Variants in CYP2A7 observed in about 807,000 individuals in gnomAD.
CYP2A7 encodes the protein cytochrome P450 2A7.
A neutral mutation model predicts 42.0 loss-of-function variants in CYP2A7; 36 were observed. The ratio of observed to expected loss-of-function variants is 0.86; its 90% CI spans 0.66 to 1.13. The LOEUF is 1.13. CYP2A7 is among the 50% of genes most tolerant of loss of function. The probability of loss-of-function intolerance (pLI) is 0.00; values close to 1 mark genes in which losing one functional copy is unlikely to be tolerated. For missense variants in CYP2A7, 661 were observed against 634.1 expected, an observed-to-expected ratio of 1.04 and a Z score of -0.46; for synonymous variants, 260 against 249.5, an observed-to-expected ratio of 1.04 and a Z score of -0.40.
intron 4 of CYP2A7, among the ~76,000 whole-genome samples, chr19:40,879,588 GT>G (rs1967608741): frequency 2.0e-5 from 3 of 151,640 alleles, no homozygotes; most frequent in Non-Finnish European, 2.9e-5. Flanking sequence ...TAGGGCAGCT[GT>G]CCATGTTTTC....
Position 40,882,055 on chromosome 19 carries a change from C to T in CYP2A7, c.156G>A (p.Glu52=), listed in dbSNP as rs777042749. 9.3e-6 allele frequency: 15 copies of T among 1,613,764 alleles called. No homozygotes were observed. Among genetic ancestry groups the T allele is most frequent in the Admixed American group, 1.7e-5 (1 of 59,972 alleles). The change falls in exon 1 of 9, where the codon GAG becomes GAA. Residue 52 remains glutamate, a synonymous_variant. Transcript: ENST00000301146. ...CCTTCATGATGGAGTCACATATGTG[C>T]TCTGTGTTCAGCTGGAGGTAGTTTC... ...FIGNYLQLNT[E]HICDSIMKFS...
rs370699685 is a variant in CYP2A7, at chr19:40,875,690, C to G, written c.*3G>C. ...ACCAGACCTGCACCGGCACAGCCCT[C>G]GCTCAGCGGGGCAGGAAGCTCATGG... On this transcript the variant is annotated 3_prime_UTR_variant, in exon 9 of 9. Transcript: ENST00000301146. The G allele has an allele frequency of 5.0e-6, 8 of 1,610,752 alleles. No individual in the cohort carries two copies. In the South Asian group the frequency reaches 5.5e-5, roughly 11 times the overall value.
At chr19:40,876,165 A>C (rs771065284) in intron 8 of CYP2A7, among the ~76,000 whole-genome samples, 2 of 151,878 alleles carry the variant, frequency 1.3e-5, no homozygotes, top group East Asian at 3.9e-4. Context: ...AATGTCACAC[A>C]TCCATCATAG....
intron 4 of CYP2A7, among the ~76,000 whole-genome samples, chr19:40,879,819 G>A (rs550791916): frequency 1.5e-4 from 22 of 150,734 alleles, no homozygotes; most frequent in Admixed American, 1.0e-3. Context: ...GTAAGTTGGG[G>A]ATGGGAACAC....
chr19:40,881,818 AT>A, intron 1 of CYP2A7, 67 bp from the exon 2 acceptor site: 2 of 1,591,788 alleles, frequency 1.3e-6, no homozygotes, highest in Non-Finnish European at 1.7e-6. Flanking sequence ...CAGCACCGAG[AT>A]GTCAAGTACT....
In CYP2A7 at chr19:40,876,831, C is replaced by T. The variant is rs775482662; in HGVS notation, c.1162-163G>A. 2.0e-6 allele frequency: 2 copies of T among 996,624 alleles called. 1 individual carries two copies. Among genetic ancestry groups the T allele is most frequent in the Non-Finnish European group, 2.9e-6 (2 of 684,772 alleles). 61.7% of individuals were successfully genotyped at this position (996,624 alleles called of 1,614,324 possible). A position where few individuals can be genotyped will look rare whatever the true frequency, so the allele number is the denominator to read the frequency against. On this transcript the variant is annotated intron_variant, in intron 7 of 8. Transcript: ENST00000301146. ...GGAGCTTTGGGGAATAGAAGGTTCA[C>T]ATCTCTGAAACAGGAAGTTTGGGAG...
rs1180212578 is a variant in CYP2A7, at chr19:40,877,977, T to C, written c.848A>G (p.Asn283Ser). ...IHMQEEEKNP[N>S]TEFYLKNLMM... ...CAGGTTCTTCAAGTAGAACTCCGTG[T>C]TGGGGTTCTTCTCCTCCTGCAGGGA... is the stretch of plus-strand genomic sequence containing the variant. Residue 283 changes from asparagine to serine, a missense_variant, in exon 6 of 9, where the codon AAC becomes AGC. This residue lies in a region of CYP2A7 where 614 missense variants were observed against 552.4 expected (regional missense o/e 1.11). Transcript: ENST00000301146. The C allele has an allele frequency of 1.2e-6, 2 of 1,611,618 alleles. No homozygotes were observed. The highest frequency in any genetic ancestry group is 1.7e-6 in the Non-Finnish European group (2 of 1,178,692).
rs754905098 is a variant in CYP2A7 at position 40,876,597 on chromosome 19, G to A, written c.1233C>T (p.Phe411=). 1 of 1,613,140 alleles carries A rather than the reference G, an allele frequency of 6.2e-7. No homozygotes were observed. The highest frequency in any genetic ancestry group is 8.5e-7 in the Non-Finnish European group (1 of 1,179,320). ...TGTCATCCAGGAAATGCTGGGGATT[G>A]AAGTCCTGAGGGTTGGAGAAGAAGC... The part of the protein sequence containing the change: ...DPSFFSNPQD[F]NPQHFLDDKG... Residue 411 remains phenylalanine, a synonymous_variant, in exon 8 of 9, where the codon TTC becomes TTT. Transcript: ENST00000301146.
intron 7 of CYP2A7, 198 bp from the exon 8 acceptor site, chr19:40,876,866 C>G: frequency 1.3e-6 from 1 of 776,726 alleles, no homozygotes; most frequent in Non-Finnish European, 2.0e-6. Context: ...GACATGGGGT[C>G]CATGTCTTGC....
rs755586786 is a variant in CYP2A7 at position 40,878,826 on chromosome 19, G to T, written c.765C>A (p.Asn255Lys). 2 of 1,612,384 alleles carry T rather than the reference G, an allele frequency of 1.2e-6. No homozygotes were observed. Among genetic ancestry groups the T allele is most frequent in the Admixed American group, 1.7e-5 (1 of 59,886 alleles). ...GGGAATTGGGATCCAGCGTGCGCTG[G>T]TTGTGCTCCACCTTCTTGGCTATGA... ...EDFIAKKVEH[N>K]QRTLDPNSPQ... The change falls in exon 5 of 9, where the codon AAC becomes AAA. Residue 255 changes from asparagine to lysine, a missense_variant. Physicochemically the swap from Asn to Lys is moderately conservative, Grantham distance 94. Coordinates refer to ENST00000301146, the MANE Select transcript of CYP2A7 (RefSeq NM_000764.3).
chr19:40,881,536 C>G, intron 2 of CYP2A7, 53 bp downstream of exon 2: 1 of 1,607,258 alleles, frequency 6.2e-7, no homozygotes, highest in South Asian at 1.1e-5. Flanking sequence ...GCTGGCAACA[C>G]TGAGACCATC....
At position 40,882,200 on chromosome 19, in the gene CYP2A7, G is replaced by T. The variant is rs758321936; in HGVS notation, c.11C>A (p.Ser4Ter). 7 of 1,613,720 alleles carry T rather than the reference G, an allele frequency of 4.3e-6. No individual in the cohort carries two copies. In the African/African-American group the frequency reaches 9.3e-5, roughly 22 times the overall value. ...CAGCAAGGCCACCAGAAGCAGCCCT[G>T]AGGCCAGCATGGTGGTAGTGAGATG... MLA[S>*]GLLLVALLAC... is the part of the protein sequence containing the mutation. Residue 4 changes from serine (S) to a stop codon, truncating the protein, a stop_gained, in exon 1 of 9, where the codon TCA becomes TAA. Coordinates refer to ENST00000301146, the MANE Select transcript of CYP2A7 (RefSeq NM_000764.3). LOFTEE classifies it high-confidence loss of function.
In CYP2A7 at chr19:40,878,800, G is replaced by C; in HGVS notation, c.791C>G (p.Pro264Arg). The C allele has an allele frequency of 6.2e-7, 1 of 1,611,600 alleles. No individual in the cohort carries two copies. Among genetic ancestry groups the C allele is most frequent in the Non-Finnish European group, 8.5e-7 (1 of 1,178,340 alleles). Residue 264 changes from proline (P) to arginine (R), a missense_variant, in exon 5 of 9, where the codon CCA becomes CGA. Pro to Arg is a moderately radical substitution (Grantham distance 103). Transcript: ENST00000301146. The stretch of plus-strand genomic sequence containing the variant: ...GAGAAAGGAGTCGATGAAGTCCTGT[G>C]GGGAATTGGGATCCAGCGTGCGCTG... ...HNQRTLDPNS[P>R]QDFIDSFLIH...
chr19:40,877,582 G>C (rs943980226), intron 6 of CYP2A7, among the ~76,000 whole-genome samples: 39 of 151,584 alleles, frequency 2.6e-4, no homozygotes, highest in African/African-American at 8.9e-4. Context: ...GGGAGGCACA[G>C]GGAGGAACTT....
chr19:40,881,605 C>G lies in CYP2A7; in HGVS notation c.327G>C (p.Trp109Cys). The G allele has an allele frequency of 6.2e-7, 1 of 1,612,062 alleles. No individual in the cohort carries two copies. The highest frequency in any genetic ancestry group is 8.5e-7 in the Non-Finnish European group (1 of 1,179,600). ...SGRGEQATFD[W>C]VFKGYGVAFS... ...CCCCCTCACCATAGCCTTTGAAGAC[C>G]CAGTCGAAGGTGGCTTGCTCGCCTC... Residue 109 changes from tryptophan to cysteine, a missense_variant, in exon 2 of 9, where the codon TGG (tryptophan) becomes TGC (cysteine). By Grantham distance (215) the Trp-to-Cys change is radical. Coordinates refer to ENST00000301146, the MANE Select transcript of CYP2A7 (RefSeq NM_000764.3).
intron 5 of CYP2A7, 111 bp downstream of exon 5, chr19:40,878,649 A>T (rs1967589870): frequency 6.9e-7 from 1 of 1,453,210 alleles, no homozygotes; most frequent in Non-Finnish European, 9.3e-7. Context: ...TGTGAGGATT[A>T]TTATGATGAG....
In CYP2A7 at chr19:40,881,506, G is replaced by A. The variant is rs1033713459; in HGVS notation, c.343+83C>T. 19 of 1,590,516 alleles carry A rather than the reference G, an allele frequency of 1.2e-5. 1 individual carries two copies. The highest frequency in any genetic ancestry group is 1.6e-5 in the Non-Finnish European group (19 of 1,167,280). ...GGGGTTCTGCCATAGCCTCCAGTGG[G>A]CAGGAGAGTCAGGGAGAAGGCTGGC... On this transcript the variant is annotated intron_variant, in intron 2 of 8. Coordinates refer to ENST00000301146, the MANE Select transcript of CYP2A7 (RefSeq NM_000764.3).
intron 2 of CYP2A7, among the ~76,000 whole-genome samples, 168 bp from the exon 3 acceptor site, chr19:40,880,796 A>AGG (rs1354151315): frequency 2.2e-4 from 5 of 23,070 alleles, no homozygotes; most frequent in Admixed American, 7.8e-4. Context: ...GAGAAACACG[A>AGG]GGGAGAGAGA....
In CYP2A7 at chr19:40,880,061, C is replaced by T. The variant is rs200635310; in HGVS notation, c.654+23G>A. 170 of 1,610,100 alleles carry T rather than the reference C, an allele frequency of 1.1e-4. 3 individuals carry two copies. In the South Asian group the frequency reaches 1.8e-3, roughly 17 times the overall value. Reference sequence around the variant, plus strand: ...TTGGCAGGTTGTGGTAGGGGCGTCACGGGCCGGGCTGCAGCCAGTTACCTG... The same window carrying T: ...TTGGCAGGTTGTGGTAGGGGCGTCATGGGCCGGGCTGCAGCCAGTTACCTG... On this transcript the variant is annotated intron_variant, in intron 4 of 8. Transcript: ENST00000301146.
Sources: gnomAD v4.1 joint callset for allele counts (sites outside exome capture counted in the v4.1 genomes callset) on GRCh38, gnomAD v4.1.1 for gene constraint, gnomAD v4.1.1 regional missense constraint, MANE v1.5 for transcripts, NCBI Gene and HGNC (gene_info 2026-07-23, HGNC 2026-07-21) for gene names.